Variants in NRSN1 observed in about 807,000 individuals in gnomAD.
NRSN1 encodes neurensin-1.
A neutral mutation model predicts 17.3 loss-of-function variants in NRSN1; 14 were observed. The observed-to-expected ratio is 0.81, with a 90% CI of 0.54 to 1.27. NRSN1 has a LOEUF of 1.27. Ranked by LOEUF, NRSN1 falls within the 50% of genes most tolerant of loss-of-function variation. The pLI is 0.00. For missense variants in NRSN1, 209 were observed against 235.9 expected, an observed-to-expected ratio of 0.89 and a Z score of 0.75; for synonymous variants, 79 against 94.2, an observed-to-expected ratio of 0.84 and a Z score of 0.93.
Position 24,146,429 on chromosome 6 carries a change from A to T in NRSN1, c.*483A>T. On this transcript the variant is annotated 3_prime_UTR_variant, in exon 4 of 4. Coordinates refer to ENST00000378491, the MANE Select transcript of NRSN1 (RefSeq NM_080723.5). ...GGAATTCTCTGATTTTGAGCCGAACATGAGTTTTTAGACTGTATCTTGACA... is the reference window on the plus strand; with the variant it reads ...GGAATTCTCTGATTTTGAGCCGAACTTGAGTTTTTAGACTGTATCTTGACA... The T allele has an allele frequency of 2.7e-6, 1 of 376,310 alleles. No homozygotes were observed. Among genetic ancestry groups the T allele is most frequent in the South Asian group, 2.1e-5 (1 of 47,914 alleles). The allele number at this position is 376,310 out of a possible 1,614,324, so 23.3% of individuals were successfully genotyped here.
chr6:24,131,904 A>G (rs578203648), intron 2 of NRSN1, among the ~76,000 whole-genome samples: 3 of 152,294 alleles, frequency 2.0e-5, no homozygotes, highest in African/African-American at 7.2e-5. Context: ...TTATGAAATC[A>G]TATCTTTCTA....
At chr6:24,137,615 T>A (rs997862593) in intron 3 of NRSN1, among the ~76,000 whole-genome samples, 1 of 152,194 alleles carries the variant, frequency 6.6e-6, no homozygotes, top group Non-Finnish European at 1.5e-5. Flanking sequence ...ATGTGCCATG[T>A]TGGTGTGCTG....
At chr6:24,129,437 G>T (rs1759995993) in intron 2 of NRSN1, 1 of 152,186 alleles carries the variant, frequency 6.6e-6, no homozygotes, top group Admixed American at 6.5e-5. Flanking sequence ...GATTAAAGTG[G>T]TCAACAGTAC....
In NRSN1 at chr6:24,146,569, G is replaced by A. The variant is rs1032304875; in HGVS notation, c.*623G>A. The A allele has an allele frequency of 1.2e-4, 38 of 304,746 alleles. No homozygotes were observed. Among genetic ancestry groups the A allele is most frequent in the African/African-American group, 2.4e-4 (11 of 45,026 alleles). The allele number at this position is 304,746 out of a possible 1,614,324, so 18.9% of individuals were successfully genotyped here. A position where few individuals can be genotyped will look rare whatever the true frequency, so the allele number is the denominator to read the frequency against. ...TCTTTTGCCTAGGTTGGAGTACAGC[G>A]GTGAAATCATAGCGCACTGCAGCCT... On this transcript the variant is annotated 3_prime_UTR_variant, in exon 4 of 4. Transcript: ENST00000378491.
chr6:24,130,815 T>C (rs1342534910), intron 2 of NRSN1, among the ~76,000 whole-genome samples: 4 of 152,050 alleles, frequency 2.6e-5, no homozygotes, highest in Non-Finnish European at 5.9e-5. Flanking sequence ...AATAAAAAAA[T>C]GATAGAGTCA....
At chr6:24,140,027 G>A (rs779712957) in intron 3 of NRSN1, among the ~76,000 whole-genome samples, 2 of 152,200 alleles carry the variant, frequency 1.3e-5, no homozygotes, top group Non-Finnish European at 2.9e-5. Context: ...GATACACAGA[G>A]GAAACAGTGT....
intron 2 of NRSN1, among the ~76,000 whole-genome samples, chr6:24,134,004 T>TTGTG (rs71002461): frequency 0.27 from 35,610 of 132,766 alleles, 5,483 homozygotes; most frequent in Non-Finnish European, 0.35. Context: ...ACCCAGCTAA[T>TTGTG]TGTGTGTGTG....
Position 24,135,944 on chromosome 6 carries a change from A to G in NRSN1, c.189+1428A>G, listed in dbSNP as rs149004702. ...TTTGTTTCTCCCAAAAGATCCCAGA[A>G]TTTTTTGACATGGATATTGACATAA... On this transcript the variant is annotated intron_variant, in intron 3 of 3. Coordinates refer to ENST00000378491, the MANE Select transcript of NRSN1 (RefSeq NM_080723.5). 4.2e-3 allele frequency among the ~76,000 whole-genome samples: 640 copies of G among 152,312 alleles called. 3 individuals carry two copies. Among genetic ancestry groups the G allele is most frequent in the African/African-American group, 0.014 (598 of 41,562 alleles).
chr6:24,134,508 T>A lies in NRSN1; in HGVS notation c.181T>A (p.Phe61Ile). The change falls in exon 3 of 4, where the codon TTC becomes ATC. Residue 61 changes from phenylalanine (F) to isoleucine (I), a missense_variant. Coordinates refer to ENST00000378491, the MANE Select transcript of NRSN1 (RefSeq NM_080723.5). ...QRSPNRWSSV[F>I]WKVGLISGTV... ...ATCACCTAACAGGTGGAGCTCAGTA[T>A]TCTGGAAGGTAAGGAAGGAGCATGT... 11 of 1,613,840 alleles carry A rather than the reference T, an allele frequency of 6.8e-6. No homozygotes were observed. The highest frequency in any genetic ancestry group is 9.3e-6 in the Non-Finnish European group (11 of 1,179,790).
chr6:24,135,241 T>C (rs1324859421), intron 3 of NRSN1, among the ~76,000 whole-genome samples: 1 of 152,150 alleles, frequency 6.6e-6, no homozygotes, highest in Non-Finnish European at 1.5e-5. Flanking sequence ...CAGGGGGTGA[T>C]GGAGACTGGT....
chr6:24,128,342 A>G (rs1415654004), intron 2 of NRSN1, 142 bp downstream of exon 2: 2 of 152,216 alleles, frequency 1.3e-5, no homozygotes, highest in Non-Finnish European at 2.9e-5. Flanking sequence ...TGAATCTTGA[A>G]GAATTAAAGT....
Position 24,145,731 on chromosome 6 carries a change from A to G in NRSN1, c.373A>G (p.Ile125Val), listed in dbSNP as rs868540123. 6.2e-7 allele frequency: 1 copy of G among 1,614,174 alleles called. No individual in the cohort carries two copies. Among genetic ancestry groups the G allele is most frequent in the Admixed American group, 1.7e-5 (1 of 60,020 alleles). ...GCTGGCAGGAGCTGTTCTCTTCTGCATTGGAGGCACGTCCATGGCAGGGTG... is the reference window on the plus strand; with the variant it reads ...GCTGGCAGGAGCTGTTCTCTTCTGCGTTGGAGGCACGTCCATGGCAGGGTG... ...YKLAGAVLFCIGGTSMAGCLL... is the reference protein window; with the variant it reads ...YKLAGAVLFCVGGTSMAGCLL... Residue 125 changes from isoleucine to valine, a missense_variant, in exon 4 of 4, where the codon ATT (isoleucine) becomes GTT (valine). Transcript: ENST00000378491. This position sits in a 1 kb window ranked among gnomAD's most constrained non-coding sequence, Gnocchi z 4.4.
chr6:24,135,946 T>A (rs1760112814), intron 3 of NRSN1, among the ~76,000 whole-genome samples: 1 of 152,200 alleles, frequency 6.6e-6, no homozygotes, highest in South Asian at 2.1e-4. Flanking sequence ...ATCCCAGAAT[T>A]TTTTGACATG....
chr6:24,141,358 C>G lies in NRSN1; in HGVS notation c.190-4190C>G, dbSNP rs926468248. The G allele has an allele frequency of 7.7e-6, 6 of 776,412 alleles. No homozygotes were observed. In the East Asian group the frequency reaches 1.9e-4, roughly 25 times the overall value. The allele number at this position is 776,412 out of a possible 1,614,324, so 48.1% of individuals were successfully genotyped here. A position where few individuals can be genotyped will look rare whatever the true frequency, so the allele number is the denominator to read the frequency against. ...GGTACCAAGACTAAGCTGATGAGTC[C>G]CAACTGCTCTCCTCACCTCCCATAT... On this transcript the variant is annotated intron_variant, in intron 3 of 3. Transcript: ENST00000378491.
At chr6:24,133,995 C>T (rs1336578776) in intron 2 of NRSN1, among the ~76,000 whole-genome samples, 2 of 99,866 alleles carry the variant, frequency 2.0e-5, no homozygotes, top group African/African-American at 7.8e-5. Context: ...CACCACCACA[C>T]CCAGCTAATT....
chr6:24,143,061 C>T (rs1017131424), intron 3 of NRSN1, among the ~76,000 whole-genome samples: 14 of 152,194 alleles, frequency 9.2e-5, no homozygotes, highest in African/African-American at 3.4e-4. Context: ...AGTTTACAAA[C>T]CTTTAGCTAG....
chr6:24,129,631 T>C (rs980415869), intron 2 of NRSN1: 2 of 152,204 alleles, frequency 1.3e-5, no homozygotes, highest in Non-Finnish European at 2.9e-5. Flanking sequence ...ATAGAAAGCC[T>C]CTCAGAAGAA....
chr6:24,142,671 C>A (rs949691384), intron 3 of NRSN1, among the ~76,000 whole-genome samples: 8 of 152,058 alleles, frequency 5.3e-5, no homozygotes, highest in Non-Finnish European at 1.2e-4. Context: ...GTTGGTCAGG[C>A]TTGTCTTGTG....
chr6:24,136,164 T>G (rs990259704), intron 3 of NRSN1, among the ~76,000 whole-genome samples: 1 of 152,176 alleles, frequency 6.6e-6, no homozygotes, highest in Non-Finnish European at 1.5e-5. Context: ...ATAAAAGATA[T>G]GAGAATTAAA....
Sources: allele counts gnomAD v4.1 joint callset (sites outside exome capture counted in the v4.1 genomes callset), GRCh38; gene constraint gnomAD v4.1.1; non-coding constraint Gnocchi (gnomAD v3.1); transcripts MANE v1.5; gene names NCBI Gene and HGNC (gene_info 2026-07-23, HGNC 2026-07-21).